Variants in ZNF397 observed in about 807,000 individuals in gnomAD.
ZNF397 encodes zinc finger protein 397, also known as zinc finger and SCAN domain-containing protein 15.
A neutral mutation model predicts 50.6 loss-of-function variants in ZNF397; 38 were observed. The observed-to-expected ratio is 0.75, with a 90% CI of 0.58 to 0.98. The LOEUF is 0.98. Among genes scored for constraint, ZNF397 ranks in the 50% least tolerant of loss-of-function variants. ZNF397 has a pLI of 0.00. For synonymous variants in ZNF397, 228 were observed against 215.2 expected (o/e 1.06, Z -0.52); for missense variants, 624 against 624.1 (o/e 1.00, Z 0.00).
downstream of ZNF397, chr18:35,253,774 A>G: frequency 6.2e-7 from 1 of 1,613,984 alleles, no homozygotes; most frequent in Middle Eastern, 1.6e-4. Context: ...CACATTCTCC[A>G]CATTCATAAG....
chr18:35,242,794 C>A lies in ZNF397; in HGVS notation c.324C>A (p.Ile108=). ...FLSILPEELQ[I]WVQQHNPESG... is the part of the protein sequence containing the mutation. Reference sequence around the variant, plus strand: ...GCATTCTGCCTGAGGAGCTGCAGATCTGGGTTCAGCAACATAATCCAGAAA... The same window carrying A: ...GCATTCTGCCTGAGGAGCTGCAGATATGGGTTCAGCAACATAATCCAGAAA... The change falls in exon 2 of 4, where the codon ATC becomes ATA. Residue 108 remains isoleucine (I), a synonymous_variant. Transcript: ENST00000330501. The A allele has an allele frequency of 6.2e-7, 1 of 1,614,154 alleles. No homozygotes were observed. Among genetic ancestry groups the A allele is most frequent in the Non-Finnish European group, 8.5e-7 (1 of 1,180,032 alleles).
Position 35,249,035 on chromosome 18 carries a change from A to T in ZNF397, c.*2725A>T, listed in dbSNP as rs533281954. The T allele has an allele frequency of 1.3e-5, 2 of 152,160 alleles. No individual in the cohort carries two copies. Among genetic ancestry groups the T allele is most frequent in the African/African-American group, 4.8e-5 (2 of 41,436 alleles). The allele number at this position is 152,160 out of a possible 1,614,324, so 9.4% of individuals were successfully genotyped here. On this transcript the variant is annotated 3_prime_UTR_variant, in exon 4 of 4. Transcript: ENST00000330501. ...AGCCACTTCAGTATACTCTCTCCCC[A>T]TAAGAAAGTTCCAATAGAAAAAAAA...
intron 5 of ZNF397, chr18:35,257,507 A>C: frequency 4.8e-6 from 1 of 206,498 alleles, no homozygotes; most frequent in Non-Finnish European, 9.8e-6. Flanking sequence ...CCACCACGTG[A>C]GGACACAGTG....
chr18:35,244,612 A>G (rs1435566022), intron 3 of ZNF397, among the ~76,000 whole-genome samples: 1 of 152,190 alleles, frequency 6.6e-6, no homozygotes, highest in Non-Finnish European at 1.5e-5. Flanking sequence ...AATCAGGCTA[A>G]TATCACTGGA....
chr18:35,253,996 G>C (rs762153567), downstream of ZNF397: 12 of 1,614,194 alleles, frequency 7.4e-6, no homozygotes, highest in Admixed American at 2.0e-4. Context: ...TCAGCTTTGA[G>C]CTCTGGCAAA....
chr18:35,249,652 CAAAAAAAAAA>C lies in ZNF397; in HGVS notation c.*3359_*3368del, dbSNP rs35303747. The C allele has an allele frequency of 3.9e-5, 1 of 25,634 alleles. No individual in the cohort carries two copies. The highest frequency in any genetic ancestry group is 7.4e-5 in the Non-Finnish European group (1 of 13,570). 1.6% of individuals were successfully genotyped at this position (25,634 alleles called of 1,614,324 possible). A position where few individuals can be genotyped will look rare whatever the true frequency, so the allele number is the denominator to read the frequency against. On this transcript the variant is annotated 3_prime_UTR_variant, in exon 4 of 4. Transcript: ENST00000330501. ...TGGGTGACAGAGTGAGACTGTGTCT[CAAAAAAAAAA>C]AAAAAAAAAAAAAAAACACTGATGT...
In ZNF397 at chr18:35,242,796, G is replaced by A; in HGVS notation, c.326G>A (p.Trp109Ter). 1 of 1,614,158 alleles carries A rather than the reference G, an allele frequency of 6.2e-7. No individual in the cohort carries two copies. Among genetic ancestry groups the A allele is most frequent in the East Asian group, 2.2e-5 (1 of 44,878 alleles). Reference protein sequence around the residue: ...LSILPEELQIWVQQHNPESGE... With the variant: ...LSILPEELQI ...ATTCTGCCTGAGGAGCTGCAGATCT[G>A]GGTTCAGCAACATAATCCAGAAAGC... Residue 109 changes from tryptophan to a stop codon, truncating the protein, a stop_gained, in exon 2 of 4, where the codon TGG becomes TAG. Transcript: ENST00000330501. LOFTEE classifies it high-confidence loss of function.
downstream of ZNF397, chr18:35,253,399 C>G (rs1348241572): frequency 6.8e-7 from 1 of 1,470,872 alleles, no homozygotes; most frequent in Non-Finnish European, 9.2e-7. Context: ...GAGTCTCACC[C>G]CTACAGTGAA....
chr18:35,243,548 CT>C (rs1459402420), intron 3 of ZNF397: 2 of 622,634 alleles, frequency 3.2e-6, no homozygotes, highest in African/African-American at 3.7e-5. Context: ...ATGTCTGGTA[CT>C]GTGGTAGGCC....
chr18:35,246,753 G>C lies in ZNF397; in HGVS notation c.*443G>C, dbSNP rs2043490017. 1 of 987,840 alleles carries C rather than the reference G, an allele frequency of 1.0e-6. No individual in the cohort carries two copies. The highest frequency in any genetic ancestry group is 1.2e-6 in the Non-Finnish European group (1 of 832,076). The allele number at this position is 987,840 out of a possible 1,614,324, so 61.2% of individuals were successfully genotyped here. A position where few individuals can be genotyped will look rare whatever the true frequency, so the allele number is the denominator to read the frequency against. The stretch of plus-strand genomic sequence containing the variant: ...CCCAATAAAGAACAGTGACAGAGCA[G>C]CAGGAAAGGTGGGGAAATGGCTTCA... On this transcript the variant is annotated 3_prime_UTR_variant, in exon 4 of 4. Transcript: ENST00000330501.
At position 35,258,043 on chromosome 18, in the gene ZNF397, A is replaced by C. The variant is rs1037119979; in HGVS notation, c.*105A>C. On this transcript the variant is annotated 3_prime_UTR_variant, in exon 6 of 6. Coordinates refer to the ZNF397 transcript ENST00000261333. ...GTGAAGCACCTACAAGAAACTTATA[A>C]CTCAAGGTTGTAAAAATGGCATGGT... 3 of 777,678 alleles carry C rather than the reference A, an allele frequency of 3.9e-6. 1 individual carries two copies. Among genetic ancestry groups the C allele is most frequent in the Admixed American group, 3.4e-5 (2 of 58,776 alleles). 48.2% of individuals were successfully genotyped at this position (777,678 alleles called of 1,614,324 possible). A position where few individuals can be genotyped will look rare whatever the true frequency, so the allele number is the denominator to read the frequency against.
rs773347021 is a variant in ZNF397, at chr18:35,242,619, G to A, written c.149G>A (p.Arg50His). ...GSTQSCQELFRQQFRKFCYQE... is the reference protein window; with the variant it reads ...GSTQSCQELFHQQFRKFCYQE... ...ACTCAATCCTGCCAAGAATTGTTTC[G>A]TCAGCAATTCAGAAAATTTTGCTAC... Residue 50 changes from arginine to histidine, a missense_variant, in exon 2 of 4, where the codon CGT becomes CAT. Coordinates refer to ENST00000330501, the MANE Select transcript of ZNF397 (RefSeq NM_001135178.3). 3.2e-5 allele frequency: 52 copies of A among 1,614,052 alleles called. No homozygotes were observed. Among genetic ancestry groups the A allele is most frequent in the African/African-American group, 5.3e-5 (4 of 74,906 alleles).
chr18:35,245,714 G>A lies in ZNF397; in HGVS notation c.1009G>A (p.Gly337Ser). The change falls in exon 4 of 4, where the codon GGT (glycine) becomes AGT (serine). Residue 337 changes from glycine to serine, a missense_variant. Physicochemically the swap from Gly to Ser is moderately conservative, Grantham distance 56. Coordinates refer to ENST00000330501, the MANE Select transcript of ZNF397 (RefSeq NM_001135178.3). Reference sequence around the variant, plus strand: ...TATTATTCATCAGAGAATTCATAGTGGTGAGAAAGCATATGAATGTAGTGA... The same window carrying A: ...TATTATTCATCAGAGAATTCATAGTAGTGAGAAAGCATATGAATGTAGTGA... ...YLIIHQRIHS[G>S]EKAYECSECG... 1 of 1,552,116 alleles carries A rather than the reference G, an allele frequency of 6.4e-7. No individual in the cohort carries two copies. Among genetic ancestry groups the A allele is most frequent in the Non-Finnish European group, 8.7e-7 (1 of 1,147,182 alleles).
At chr18:35,251,431 C>T (rs956080959), downstream of ZNF397, 7 of 152,172 alleles carry the variant, frequency 4.6e-5, no homozygotes, top group Non-Finnish European at 8.8e-5. Flanking sequence ...CGACCTCACT[C>T]GATAACTGCA....
downstream of ZNF397, chr18:35,258,564 G>A (rs907785714): frequency 6.5e-6 from 1 of 152,808 alleles, no homozygotes; most frequent in Non-Finnish European, 1.5e-5. Flanking sequence ...GAGGGAGTGA[G>A]AGGCTTAGTT....
At chr18:35,253,750 G>A, downstream of ZNF397, 1 of 1,613,702 alleles carries the variant, frequency 6.2e-7, no homozygotes, top group Non-Finnish European at 8.5e-7. Context: ...CTGAGCTCCG[G>A]CTGAAGGCCT....
intron 3 of ZNF397, 35 bp downstream of exon 3, chr18:35,243,328 A>G (rs1912663366): frequency 6.2e-7 from 1 of 1,614,154 alleles, no homozygotes; most frequent in Non-Finnish European, 8.5e-7. Flanking sequence ...AACTCTTGAC[A>G]CTTAGGCCTC....
chr18:35,243,691 G>C (rs1912707462), intron 3 of ZNF397: 1 of 389,106 alleles, frequency 2.6e-6, no homozygotes, highest in South Asian at 3.6e-5. Flanking sequence ...CAATCTTAGA[G>C]GATCAAGGAA....
Position 35,248,001 on chromosome 18 carries a change from A to G in ZNF397, c.*1691A>G, listed in dbSNP as rs577642636. Reference sequence around the variant, plus strand: ...TGCAAATTTTATTAAAGACAATGCTAAAAGGAAGTGACAACTGAAACTAAT... The same window carrying G: ...TGCAAATTTTATTAAAGACAATGCTGAAAGGAAGTGACAACTGAAACTAAT... On this transcript the variant is annotated 3_prime_UTR_variant, in exon 4 of 4. Coordinates refer to ENST00000330501, the MANE Select transcript of ZNF397 (RefSeq NM_001135178.3). 1 of 152,186 alleles carries G rather than the reference A, an allele frequency of 6.6e-6. No homozygotes were observed. Among genetic ancestry groups the G allele is most frequent in the Non-Finnish European group, 1.5e-5 (1 of 68,030 alleles). 9.4% of individuals were successfully genotyped at this position (152,186 alleles called of 1,614,324 possible).
Sources: gnomAD v4.1 joint callset for allele counts (sites outside exome capture counted in the v4.1 genomes callset) on GRCh38, gnomAD v4.1.1 for gene constraint, MANE v1.5 for transcripts, NCBI Gene and HGNC (gene_info 2026-07-23, HGNC 2026-07-21) for gene names.